NEGR1: variants seen among roughly 807,000 people sequenced by gnomAD.
The protein encoded by NEGR1 is neuronal growth regulator 1, also known as IgLON family member 4.
Under a neutral mutation model 40.9 loss-of-function variants are expected in NEGR1, and 10 were observed. The ratio of observed to expected loss-of-function variants is 0.24; its 90% confidence interval spans 0.15 to 0.42. The LOEUF (loss-of-function observed/expected upper bound fraction) is 0.42, where lower values mean the gene tolerates loss of function less well. NEGR1 is among the 10% of genes least tolerant of loss of function. The pLI, the probability that NEGR1 is intolerant of heterozygous loss-of-function variation, is 1.00. For missense variants in NEGR1, 352 were observed against 438.9 expected (o/e 0.80, Z 1.77); for synonymous variants, 185 against 166.8 (o/e 1.11, Z -0.84).
At chr1:71,633,598 C>T (rs908323583) in intron 4 of NEGR1, among the ~76,000 whole-genome samples, 3 of 152,132 alleles carry the variant, frequency 2.0e-5, no homozygotes, top group Non-Finnish European at 2.9e-5. Flanking sequence ...TGTTTATTAC[C>T]ATGGAAAGTT....
intron 1 of NEGR1, among the ~76,000 whole-genome samples, chr1:72,280,429 A>G (rs548416966): frequency 6.6e-6 from 1 of 152,310 alleles, no homozygotes; most frequent in East Asian, 1.9e-4. Context: ...ACAAAAATAC[A>G]TATTGCAGCT....
intron 3 of NEGR1, among the ~76,000 whole-genome samples, chr1:71,714,888 G>A (rs1654222141): frequency 6.6e-6 from 1 of 152,202 alleles, no homozygotes; most frequent in Admixed American, 6.5e-5. Context: ...CTGGAAGACA[G>A]TGGCCCTCTT....
At chr1:72,267,913 T>C (rs1316194030) in intron 1 of NEGR1, among the ~76,000 whole-genome samples, 2 of 151,056 alleles carry the variant, frequency 1.3e-5, no homozygotes, top group Admixed American at 1.3e-4. Context: ...CAAAAACTGA[T>C]GATAAATTTA....
rs1646002640 is a variant in NEGR1 at position 71,944,866 on chromosome 1, T to G, written c.177-9555A>C. Among the ~76,000 whole-genome samples, 6 of 152,192 alleles carry G rather than the reference T, an allele frequency of 3.9e-5. No individual in the cohort carries two copies. The South Asian group carries it at 1.2e-3, about 32-fold the overall frequency. On this transcript the variant is annotated intron_variant, in intron 1 of 6. Transcript: ENST00000357731. Reference sequence around the variant, plus strand: ...TAAAGCTAGCCTTGCAATCAGTTACTATAGTAGCCATTAACCCATATTTGT... The same window carrying G: ...TAAAGCTAGCCTTGCAATCAGTTACGATAGTAGCCATTAACCCATATTTGT...
At chr1:71,674,952 T>C (rs1254187497) in intron 4 of NEGR1, among the ~76,000 whole-genome samples, 1 of 151,542 alleles carries the variant, frequency 6.6e-6, no homozygotes, top group Non-Finnish European at 1.5e-5. Context: ...TTTTGTATTC[T>C]TAGCAACCTT....
chr1:71,605,820 T>G (rs933676691), intron 5 of NEGR1, among the ~76,000 whole-genome samples: 2 of 152,230 alleles, frequency 1.3e-5, no homozygotes, highest in Non-Finnish European at 2.9e-5. Context: ...GAAACTATCA[T>G]GTTAAAAAAT....
intron 4 of NEGR1, 61 bp downstream of exon 4, chr1:71,697,947 A>G: frequency 1.3e-6 from 2 of 1,521,042 alleles, no homozygotes; most frequent in Non-Finnish European, 1.8e-6. Flanking sequence ...TTCAGTCAGA[A>G]TTTTTCAAGG....
Position 71,935,268 on chromosome 1 carries a change from G to A in NEGR1, c.220C>T (p.Arg74Trp), listed in dbSNP as rs376699190. The part of the protein sequence containing the change: ...DGASKGAWLN[R>W]SSIIFAGGDK... ...CCTCCCGCAAAAATAATACTTGACCGGTTCAGCCAGGCACCCTTTGAAGCT... is the reference window on the plus strand; with the variant it reads ...CCTCCCGCAAAAATAATACTTGACCAGTTCAGCCAGGCACCCTTTGAAGCT... The change falls in exon 2 of 7, where the codon CGG (arginine) becomes TGG (tryptophan). Residue 74 changes from arginine to tryptophan, a missense_variant. This residue lies in a region of NEGR1 where 30 missense variants were observed against 64.4 expected (regional missense o/e 0.47). Coordinates refer to ENST00000357731, the MANE Select transcript of NEGR1 (RefSeq NM_173808.3). 2.5e-6 allele frequency: 4 copies of A among 1,613,686 alleles called. No homozygotes were observed. The highest frequency in any genetic ancestry group is 1.3e-5 in the African/African-American group (1 of 74,878).
At chr1:71,675,760 T>C (rs1652607221) in intron 4 of NEGR1, among the ~76,000 whole-genome samples, 2 of 150,566 alleles carry the variant, frequency 1.3e-5, no homozygotes, top group Admixed American at 1.3e-4. Flanking sequence ...TCAGTCTCTC[T>C]AGTTTTTTGG....
chr1:71,722,353 A>G (rs563886099), intron 3 of NEGR1, among the ~76,000 whole-genome samples: 2 of 152,134 alleles, frequency 1.3e-5, no homozygotes, highest in African/African-American at 4.8e-5. Context: ...ATTTATTTTT[A>G]TTAATTTAAT....
intron 3 of NEGR1, among the ~76,000 whole-genome samples, chr1:71,705,892 G>T (rs1328942711): frequency 6.6e-6 from 1 of 151,880 alleles, no homozygotes; most frequent in African/African-American, 2.4e-5. Flanking sequence ...AGGAAGGAAG[G>T]AGCCAGAAGG....
intron 2 of NEGR1, among the ~76,000 whole-genome samples, chr1:71,898,735 A>C (rs1271260215): frequency 6.6e-6 from 1 of 151,240 alleles, no homozygotes; most frequent in African/African-American, 2.4e-5. Context: ...TGTTTAAATA[A>C]ATGTTTGGAC....
rs2101631223 is a variant in NEGR1 at position 71,700,373 on chromosome 1, T to C, written c.536-2234A>G. On this transcript the variant is annotated intron_variant, in intron 3 of 6. Coordinates refer to ENST00000357731, the MANE Select transcript of NEGR1 (RefSeq NM_173808.3). ...GTATACAACTGACAGACTACATTAA[T>C]TCTCTCATTTGTGAATGGTTACTTA... Among the ~76,000 whole-genome samples, 2 of 152,148 alleles carry C rather than the reference T, an allele frequency of 1.3e-5. 1 individual carries two copies. The highest frequency in any genetic ancestry group is 4.1e-4 in the South Asian group (2 of 4,828).
At chr1:71,562,247 C>T (rs1322696306) in intron 6 of NEGR1, among the ~76,000 whole-genome samples, 5 of 151,782 alleles carry the variant, frequency 3.3e-5, no homozygotes, top group Non-Finnish European at 7.4e-5. Context: ...ACTTATTCTG[C>T]TCTGTTACCT....
chr1:71,715,864 C>T (rs1272018068), intron 3 of NEGR1, among the ~76,000 whole-genome samples: 10 of 152,088 alleles, frequency 6.6e-5, no homozygotes, highest in Non-Finnish European at 7.4e-5. Context: ...TCTTTTGAAC[C>T]CTCCAAACTG....
intron 1 of NEGR1, among the ~76,000 whole-genome samples, chr1:72,255,883 T>C (rs1249697308): frequency 1.3e-5 from 2 of 152,196 alleles, no homozygotes; most frequent in East Asian, 3.9e-4. Context: ...AAAGCTTACA[T>C]GGAAATGTAG....
chr1:72,210,673 T>C, intron 1 of NEGR1, among the ~76,000 whole-genome samples: 1 of 151,898 alleles, frequency 6.6e-6, no homozygotes, highest in East Asian at 1.9e-4. Flanking sequence ...TTTTAGAGAA[T>C]ATGTGTGGTG....
intron 1 of NEGR1, among the ~76,000 whole-genome samples, chr1:72,000,435 TGTA>T (rs1257391346): frequency 6.6e-6 from 1 of 151,962 alleles, no homozygotes; most frequent in African/African-American, 2.4e-5. Flanking sequence ...TAAAAAAAAA[TGTA>T]GTGCAGTTTA....
chr1:72,093,611 T>C (rs1648580966), intron 1 of NEGR1, among the ~76,000 whole-genome samples: 1 of 152,196 alleles, frequency 6.6e-6, no homozygotes, highest in Non-Finnish European at 1.5e-5. Flanking sequence ...TAATGAGATA[T>C]GAGAACTTTC....
Sources: gnomAD v4.1 joint callset for allele counts (sites outside exome capture counted in the v4.1 genomes callset) on GRCh38, gnomAD v4.1.1 for gene constraint, gnomAD v4.1.1 regional missense constraint, MANE v1.5 for transcripts, NCBI Gene and HGNC (gene_info 2026-07-23, HGNC 2026-07-21) for gene names.